The following TET2 variants were observed in gnomAD, a reference collection of about 807,000 sequenced individuals.
TET2 encodes the protein methylcytosine dioxygenase TET2.
A neutral mutation model predicts 142.9 loss-of-function variants in TET2; 299 were observed. The ratio of observed to expected loss-of-function variants is 2.09; its 90% CI spans 1.90 to 2.30. The LOEUF (loss-of-function observed/expected upper bound fraction) is 2.30, where lower values mean the gene tolerates loss of function less well. Ranked by LOEUF, TET2 falls within the 30% of genes most tolerant of loss-of-function variation. TET2 has a pLI of 0.00. For synonymous variants in TET2, 819 were observed against 849.0 expected (o/e 0.96, Z 0.61); for missense variants, 2,418 against 2,378.0 (o/e 1.02, Z -0.35).
chr4:105,233,887 T>G lies in TET2; in HGVS notation c.-46-10T>G, dbSNP rs745985001. 6.9e-7 allele frequency: 1 copy of G among 1,457,842 alleles called. No homozygotes were observed. Among genetic ancestry groups the G allele is most frequent in the East Asian group, 2.3e-5 (1 of 43,490 alleles). 90.3% of individuals were successfully genotyped at this position (1,457,842 alleles called of 1,614,324 possible). The stretch of plus-strand genomic sequence containing the variant: ...AAACACATTTTAATTTTTGTTTCCA[T>G]GCTCTTTAGAATTCAACTAGAGGGC... On this transcript the variant is annotated splice_polypyrimidine_tract_variant and intron_variant, in intron 2 of 10. Transcript: ENST00000380013.
Position 105,237,254 on chromosome 4 carries a change from T to A in TET2, c.3312T>A (p.Phe1104Leu). 1 of 1,614,124 alleles carries A rather than the reference T, an allele frequency of 6.2e-7. No individual in the cohort carries two copies. Among genetic ancestry groups the A allele is most frequent in the Non-Finnish European group, 8.5e-7 (1 of 1,179,990 alleles). ...KRTAASVLNN[F>L]IESPSKLLDT... is the part of the protein sequence containing the mutation. ...CAGCTGCTTCTGTTCTCAATAATTT[T>A]ATAGAGTCACCTTCCAAATTACTAG... The change falls in exon 3 of 11, where the codon TTT (phenylalanine) becomes TTA (leucine). Residue 1104 changes from phenylalanine to leucine, a missense_variant. Phe to Leu is a conservative substitution (Grantham distance 22). Coordinates refer to ENST00000380013, the MANE Select transcript of TET2 (RefSeq NM_001127208.3).
At chr4:105,224,054 T>C (rs561847466) in intron 2 of TET2, among the ~76,000 whole-genome samples, 25 of 152,140 alleles carry the variant, frequency 1.6e-4, no homozygotes, top group African/African-American at 5.3e-4. Context: ...ATGGCAACTA[T>C]ACAAATCTAT....
At chr4:105,146,802 G>A (rs1247727280), upstream of TET2, 1 of 152,104 alleles carries the variant, frequency 6.6e-6, no homozygotes, top group Non-Finnish European at 1.5e-5. Context: ...GCCCCGAGAC[G>A]CCGGCCCCGC....
At chr4:105,225,980 C>A (rs1002424840) in intron 2 of TET2, among the ~76,000 whole-genome samples, 1 of 152,026 alleles carries the variant, frequency 6.6e-6, no homozygotes, top group Non-Finnish European at 1.5e-5. Context: ...TTTATTCTAT[C>A]CCAAACCACA....
intron 3 of TET2, chr4:105,240,679 C>A (rs978192408): frequency 1.9e-6 from 2 of 1,080,356 alleles, no homozygotes; most frequent in African/African-American, 1.6e-5. Context: ...CGTCTTCACT[C>A]TTCTCTTATC....
intron 1 of TET2, among the ~76,000 whole-genome samples, chr4:105,158,501 A>G (rs1230912044): frequency 2.6e-5 from 4 of 152,300 alleles, no homozygotes; most frequent in African/African-American, 7.2e-5. Flanking sequence ...CCTTCACCCA[A>G]GGAAAGCCAT....
intron 7 of TET2, among the ~76,000 whole-genome samples, chr4:105,261,108 C>T (rs1386495722): frequency 1.3e-5 from 2 of 151,796 alleles, no homozygotes; most frequent in Non-Finnish European, 2.9e-5. Flanking sequence ...GAAATGAAGA[C>T]TTCTAAGTAT....
chr4:105,169,710 C>A (rs1334070439), intron 1 of TET2, among the ~76,000 whole-genome samples: 2 of 152,118 alleles, frequency 1.3e-5, no homozygotes, highest in Admixed American at 1.3e-4. Context: ...TTTATAGTTT[C>A]AGCACGTAGA....
intron 2 of TET2, among the ~76,000 whole-genome samples, chr4:105,224,724 C>G (rs965443217): frequency 6.7e-6 from 1 of 150,046 alleles, no homozygotes; most frequent in East Asian, 2.0e-4. Context: ...CTCTCTCTCT[C>G]TCTGTCTCGT....
intron 2 of TET2, among the ~76,000 whole-genome samples, chr4:105,230,430 G>A (rs559773009): frequency 6.6e-6 from 1 of 152,198 alleles, no homozygotes; most frequent in Admixed American, 6.5e-5. Flanking sequence ...TGATATTTGT[G>A]GCAGTTTTGA....
rs150942024 is a variant in TET2, at chr4:105,273,879, A to G, written c.4537+961A>G. Among the ~76,000 whole-genome samples, 42 of 152,250 alleles carry G rather than the reference A, an allele frequency of 2.8e-4. No individual in the cohort carries two copies. The East Asian group carries it at 6.0e-3, about 22-fold the overall frequency. On this transcript the variant is annotated intron_variant, in intron 10 of 10. Coordinates refer to ENST00000380013, the MANE Select transcript of TET2 (RefSeq NM_001127208.3). ...ATGAATACTAAGTTATTGTCTTTCC[A>G]TAGCCTCCTGCTTTATGTCTGCAGT...
chr4:105,210,861 A>G (rs1218668081), intron 2 of TET2, among the ~76,000 whole-genome samples: 1 of 152,132 alleles, frequency 6.6e-6, no homozygotes, highest in Non-Finnish European at 1.5e-5. Flanking sequence ...AACTTCATGT[A>G]TCTATGTTTT....
rs1730445916 is a variant in TET2, at chr4:105,261,793, CCA to C, written c.3991_3992del (p.Thr1331SerfsTer7). The C allele has an allele frequency of 6.5e-7, 1 of 1,549,264 alleles. No homozygotes were observed. On this transcript the variant is annotated frameshift_variant, in exon 8 of 11. Coordinates refer to ENST00000380013, the MANE Select transcript of TET2 (RefSeq NM_001127208.3). LOFTEE classifies it high-confidence loss of function. ...CTGGAGTCTCATTTGCAAAACCTGT[CCA>C]CTCTTATGGCACCAACATATAAGAA...
chr4:105,242,994 G>T, intron 5 of TET2, 67 bp downstream of exon 5: 1 of 1,301,240 alleles, frequency 7.7e-7, no homozygotes, highest in Non-Finnish European at 1.1e-6. Context: ...ATCTGACCCT[G>T]AGAATTGGGT....
At chr4:105,151,945 C>T (rs908502309) in intron 1 of TET2, among the ~76,000 whole-genome samples, 1 of 151,862 alleles carries the variant, frequency 6.6e-6, no homozygotes, top group Non-Finnish European at 1.5e-5. Context: ...CATGGTGGCA[C>T]ACACCAGTAA....
chr4:105,216,252 A>G (rs1727485126), intron 2 of TET2, among the ~76,000 whole-genome samples: 1 of 152,166 alleles, frequency 6.6e-6, no homozygotes, highest in Non-Finnish European at 1.5e-5. Flanking sequence ...TGTTTTATAC[A>G]TGTTTATTTC....
chr4:105,229,560 C>T (rs1728381680), intron 2 of TET2, among the ~76,000 whole-genome samples: 2 of 152,044 alleles, frequency 1.3e-5, no homozygotes, highest in South Asian at 2.1e-4. Context: ...CTGCCTGCCT[C>T]AGCCTCCCAA....
At chr4:105,165,501 C>T (rs1484344347) in intron 1 of TET2, among the ~76,000 whole-genome samples, 1 of 152,134 alleles carries the variant, frequency 6.6e-6, no homozygotes, top group East Asian at 1.9e-4. Context: ...TTTTGAGTGT[C>T]TCAAAATAGT....
rs1553948996 is a variant in TET2 at position 105,204,234 on chromosome 4, T to TGCAC, written c.-47+13729_-47+13730insGCAC. 7.1e-4 allele frequency among the ~76,000 whole-genome samples: 90 copies of TGCAC among 125,966 alleles called. 1 individual carries two copies. The Middle Eastern group carries it at 0.013, about 18-fold the overall frequency. 82.6% of individuals were successfully genotyped at this position (125,966 alleles called of 152,430 possible). ...ACAAACCAAAAAAAAAAAAAATATA[T>TGCAC]ACACACACACACACACACACACACA... On this transcript the variant is annotated intron_variant, in intron 2 of 10. Coordinates refer to ENST00000380013, the MANE Select transcript of TET2 (RefSeq NM_001127208.3).
Sources: gnomAD v4.1 joint callset for allele counts (sites outside exome capture counted in the v4.1 genomes callset) on GRCh38, gnomAD v4.1.1 for gene constraint, MANE v1.5 for transcripts, NCBI Gene and HGNC (gene_info 2026-07-23, HGNC 2026-07-21) for gene names.